The following CELSR1 variants were observed in gnomAD, a reference collection of about 807,000 sequenced individuals.
CELSR1 encodes adhesion G protein-coupled receptor C1.
A neutral mutation model predicts 249.1 loss-of-function variants in CELSR1; 110 were observed. The observed-to-expected ratio is 0.44, with a 90% CI of 0.38 to 0.52. CELSR1 has a LOEUF of 0.52. Among genes scored for constraint, CELSR1 ranks in the 20% least tolerant of loss-of-function variants. CELSR1 has a pLI of 0.00. For synonymous variants in CELSR1, 2,113 were observed against 1,900.0 expected, an observed-to-expected ratio of 1.11 and a Z score of -2.92; for missense variants, 4,109 against 4,296.4, an observed-to-expected ratio of 0.96 and a Z score of 1.22.
chr22:46,379,228 C>A (rs80243535), intron 22 of CELSR1, among the ~76,000 whole-genome samples: 1 of 152,134 alleles, frequency 6.6e-6, no homozygotes, highest in South Asian at 2.1e-4. Context: ...TTTATGGGAA[C>A]TGCCCAGAAG....
rs759739160 is a variant in CELSR1 at position 46,439,391 on chromosome 22, C to T, written c.4204G>A (p.Ala1402Thr). 17 of 1,613,086 alleles carry T rather than the reference C, an allele frequency of 1.1e-5. No individual in the cohort carries two copies. The highest frequency in any genetic ancestry group is 1.3e-5 in the Non-Finnish European group (15 of 1,179,912). ...DFTGEHCEVD[A>T]RSGRCANGVC... ...CCGTTGGCACAGCGGCCTGAGCGGGCATCCACCTCACAGTGCTCTCCTGGG... is the reference window on the plus strand; with the variant it reads ...CCGTTGGCACAGCGGCCTGAGCGGGTATCCACCTCACAGTGCTCTCCTGGG... The change falls in exon 3 of 35, where the codon GCC (alanine) becomes ACC (threonine). Residue 1402 changes from alanine (A) to threonine (T), a missense_variant. Ala to Thr is a moderately conservative substitution (Grantham distance 58). Transcript: ENST00000674500.
chr22:46,458,044 T>C (rs1268697009), intron 2 of CELSR1, among the ~76,000 whole-genome samples: 3 of 152,094 alleles, frequency 2.0e-5, no homozygotes, highest in Non-Finnish European at 4.4e-5. Context: ...CTGCATCTAG[T>C]GCAGAGGGAG....
chr22:46,414,841 C>T (rs1227474408), intron 5 of CELSR1, among the ~76,000 whole-genome samples: 1 of 152,228 alleles, frequency 6.6e-6, no homozygotes, highest in Non-Finnish European at 1.5e-5. Flanking sequence ...GTGTTGACGG[C>T]GTTGCTATTT....
intron 5 of CELSR1, among the ~76,000 whole-genome samples, chr22:46,421,198 C>T (rs1029901673): frequency 6.8e-6 from 1 of 148,066 alleles, no homozygotes; most frequent in East Asian, 1.9e-4. Flanking sequence ...CCCTCCCTGC[C>T]GAGGTGCTGG....
In CELSR1 at chr22:46,396,277, G is replaced by A. The variant is rs1474339877; in HGVS notation, c.5843+328C>T. 2.0e-5 allele frequency among the ~76,000 whole-genome samples: 3 copies of A among 152,012 alleles called. No homozygotes were observed. Among genetic ancestry groups the A allele is most frequent in the African/African-American group, 4.8e-5 (2 of 41,430 alleles). On this transcript the variant is annotated intron_variant, in intron 13 of 34. Coordinates refer to ENST00000674500, the MANE Select transcript of CELSR1 (RefSeq NM_001378328.1). This position sits in a 1 kb window ranked among gnomAD's most constrained non-coding sequence, Gnocchi z 6.4. Reference sequence around the variant, plus strand: ...CAAAATATTAGCTGGGCATGGTGGCGGGCACCTGTAGGACCAGCTACTCGG... The same window carrying A: ...CAAAATATTAGCTGGGCATGGTGGCAGGCACCTGTAGGACCAGCTACTCGG...
intron 9 of CELSR1, among the ~76,000 whole-genome samples, chr22:46,405,678 G>A (rs2079258690): frequency 6.6e-6 from 1 of 152,118 alleles, no homozygotes; most frequent in Admixed American, 6.5e-5. Flanking sequence ...CACCTGACAA[G>A]GTGGGTGGAT....
chr22:46,375,824 C>A (rs1001909894), intron 24 of CELSR1, among the ~76,000 whole-genome samples: 3 of 152,174 alleles, frequency 2.0e-5, no homozygotes, highest in African/African-American at 7.2e-5. Context: ...GGATTACAGG[C>A]ATGAACCAAC....
chr22:46,456,473 C>T (rs2079951307), intron 2 of CELSR1, among the ~76,000 whole-genome samples: 1 of 151,978 alleles, frequency 6.6e-6, no homozygotes, highest in South Asian at 2.1e-4. Context: ...TCATGGTTAA[C>T]AAGGTGACAC....
chr22:46,508,188 A>C (rs1166621706), intron 1 of CELSR1, among the ~76,000 whole-genome samples: 5 of 127,034 alleles, frequency 3.9e-5, no homozygotes, highest in Non-Finnish European at 6.8e-5. Context: ...CCTCCCACCC[A>C]CTCTCGCCAC....
chr22:46,509,294 TCTC>T (rs1416551517), intron 1 of CELSR1, among the ~76,000 whole-genome samples: 18 of 152,172 alleles, frequency 1.2e-4, no homozygotes. Context: ...GCAAGGCAGC[TCTC>T]ATCACGGCTT....
In CELSR1 at chr22:46,534,185, C is replaced by A; in HGVS notation, c.2986G>T (p.Ala996Ser). The change falls in exon 1 of 35, where the codon GCC (alanine) becomes TCC (serine). Residue 996 changes from alanine to serine, a missense_variant. Physicochemically the swap from Ala to Ser is moderately conservative, Grantham distance 99. This residue lies in a region of CELSR1 where 886 missense variants were observed against 896.5 expected (regional missense o/e 0.99). Transcript: ENST00000674500. The surrounding 1 kb of genome is among the most constrained non-coding windows in gnomAD (Gnocchi z 9.7). ...AGTTCGTCCTTCTCAAACATGGGGGCATTGTCATTAATGTCCAAGATGGTC... is the reference window on the plus strand; with the variant it reads ...AGTTCGTCCTTCTCAAACATGGGGGAATTGTCATTAATGTCCAAGATGGTC... ...QVTILDINDNAPMFEKDELEL... is the reference protein window; with the variant it reads ...QVTILDINDNSPMFEKDELEL... 1 of 1,613,916 alleles carries A rather than the reference C, an allele frequency of 6.2e-7. No individual in the cohort carries two copies.
rs983868874 is a variant in CELSR1, at chr22:46,380,194, A to G, written c.7256+594T>C. ...GACGAAACGCCTTTCCCTCGCTTGC[A>G]TGGATGCTAGAACACAGATTCTCGC... On this transcript the variant is annotated intron_variant, in intron 22 of 34. Transcript: ENST00000674500. The surrounding 1 kb of genome is among the most constrained non-coding windows in gnomAD (Gnocchi z 5.1). 1.3e-5 allele frequency among the ~76,000 whole-genome samples: 2 copies of G among 152,176 alleles called. No individual in the cohort carries two copies. The highest frequency in any genetic ancestry group is 2.9e-5 in the Non-Finnish European group (2 of 68,024).
intron 2 of CELSR1, among the ~76,000 whole-genome samples, chr22:46,460,728 C>A (rs965266304): frequency 6.6e-6 from 1 of 152,166 alleles, no homozygotes; most frequent in Non-Finnish European, 1.5e-5. Context: ...TCGTCCCTTT[C>A]GGAGAATGGG....
chr22:46,431,232 G>A (rs1272473931), intron 5 of CELSR1, among the ~76,000 whole-genome samples: 1 of 152,222 alleles, frequency 6.6e-6, no homozygotes, highest in East Asian at 1.9e-4. Context: ...GGAAAGGGGC[G>A]GCCACAGGCG....
chr22:46,524,671 G>A (rs1354187436), intron 1 of CELSR1, among the ~76,000 whole-genome samples: 1 of 152,130 alleles, frequency 6.6e-6, no homozygotes, highest in African/African-American at 2.4e-5. Flanking sequence ...AAAGGCTGCT[G>A]TGGGGCTTTT....
At chr22:46,478,134 G>C (rs1451219666) in intron 1 of CELSR1, among the ~76,000 whole-genome samples, 1 of 152,196 alleles carries the variant, frequency 6.6e-6, no homozygotes, top group Non-Finnish European at 1.5e-5. Flanking sequence ...CCAGGAGCCC[G>C]GGAAGCACCG....
rs572741841 is a variant in CELSR1 at position 46,402,292 on chromosome 22, C to T, written c.5227-2390G>A. 6.6e-6 allele frequency among the ~76,000 whole-genome samples: 1 copy of T among 151,776 alleles called. No homozygotes were observed. The highest frequency in any genetic ancestry group is 2.0e-4 in the East Asian group (1 of 5,124). ...AGTGCAATGGCACAATCTCAGCTCA[C>T]TGTAAACTCCACCTCCCAGGTTCAA... On this transcript the variant is annotated intron_variant, in intron 9 of 34. Transcript: ENST00000674500. The surrounding 1 kb of genome is among the most constrained non-coding windows in gnomAD (Gnocchi z 5.0).
At chr22:46,383,787 C>T (rs1478808519) in intron 20 of CELSR1, among the ~76,000 whole-genome samples, 1 of 152,224 alleles carries the variant, frequency 6.6e-6, no homozygotes, top group Non-Finnish European at 1.5e-5. Context: ...CTGTGTCGGC[C>T]TCCCAAAGTG....
At chr22:46,531,959 GGA>G (rs58837821) in intron 1 of CELSR1, among the ~76,000 whole-genome samples, 144,373 of 151,982 alleles carry the variant, frequency 0.95, 68,612 homozygotes, top group East Asian at 1. Context: ...GACTGAGACT[GGA>G]TGACTACATA....
Sources: gnomAD v4.1 joint callset for allele counts (sites outside exome capture counted in the v4.1 genomes callset) on GRCh38, gnomAD v4.1.1 for gene constraint, gnomAD v4.1.1 regional missense constraint, Gnocchi (gnomAD v3.1) non-coding constraint, MANE v1.5 for transcripts, NCBI Gene and HGNC (gene_info 2026-07-23, HGNC 2026-07-21) for gene names.